The following ERC2 variants were observed in gnomAD, a reference collection of about 807,000 sequenced individuals.
ERC2 encodes the protein ELKS/RAB6-interacting/CAST family member 2, also known as ERC protein 2.
A neutral mutation model predicts 114.8 loss-of-function variants in ERC2; 42 were observed. That is an observed-to-expected ratio of 0.37 (90% CI 0.29 to 0.47). The LOEUF is 0.47. Among genes scored for constraint, ERC2 ranks in the 20% least tolerant of loss-of-function variants. The probability of loss-of-function intolerance (pLI) is 0.99; values close to 1 mark genes in which losing one functional copy is unlikely to be tolerated. For missense variants in ERC2, 939 were observed against 1,150.7 expected (o/e 0.82, Z 2.66); for synonymous variants, 454 against 425.5 (o/e 1.07, Z -0.82).
intron 17 of ERC2, among the ~76,000 whole-genome samples, chr3:55,551,918 GA>G (rs2055235994): frequency 6.6e-6 from 1 of 152,186 alleles, no homozygotes; most frequent in African/African-American, 2.4e-5. Context: ...CATTATCAAT[GA>G]AATTGCTACA....
intron 17 of ERC2, among the ~76,000 whole-genome samples, chr3:55,525,759 G>A (rs1559598367): frequency 6.6e-6 from 1 of 152,162 alleles, no homozygotes; most frequent in African/African-American, 2.4e-5. Flanking sequence ...TCAGGCAGTG[G>A]GACACCATGG....
At chr3:56,324,410 T>TA (rs2057264342) in intron 2 of ERC2, among the ~76,000 whole-genome samples, 1 of 152,120 alleles carries the variant, frequency 6.6e-6, no homozygotes, top group East Asian at 1.9e-4. Context: ...AAATATTAAG[T>TA]AAAAAATGCA....
At chr3:55,572,425 T>C (rs888760702) in intron 17 of ERC2, among the ~76,000 whole-genome samples, 2 of 152,196 alleles carry the variant, frequency 1.3e-5, no homozygotes, top group Non-Finnish European at 2.9e-5. Context: ...CGAGCACCCA[T>C]GTAGGCAACA....
intron 12 of ERC2, among the ~76,000 whole-genome samples, chr3:55,963,421 G>T (rs943267908): frequency 6.6e-6 from 1 of 152,250 alleles, no homozygotes; most frequent in East Asian, 1.9e-4. Context: ...TCAACACAAC[G>T]TTCCCTTTTT....
At chr3:56,138,047 ATTTC>A (rs1201027367) in intron 6 of ERC2, among the ~76,000 whole-genome samples, 13 of 114,388 alleles carry the variant, frequency 1.1e-4, no homozygotes, top group South Asian at 5.6e-4. Flanking sequence ...TGAAAATGGT[ATTTC>A]TTTTTTTTTT....
intron 3 of ERC2, 52 bp downstream of exon 3, chr3:56,295,967 A>G: frequency 1.3e-6 from 2 of 1,493,538 alleles, no homozygotes; most frequent in East Asian, 2.3e-5. Context: ...ACTTGATAAC[A>G]TATTTTCACT....
chr3:56,407,091 T>G (rs11130520), intron 2 of ERC2, among the ~76,000 whole-genome samples: 61,220 of 151,896 alleles, frequency 0.4, 12,859 homozygotes, highest in Admixed American at 0.52. Context: ...ATAAAACAAC[T>G]CGTCTCAAGA....
At chr3:56,323,346 C>T (rs1397607810) in intron 2 of ERC2, among the ~76,000 whole-genome samples, 5 of 152,150 alleles carry the variant, frequency 3.3e-5, no homozygotes, top group Non-Finnish European at 5.9e-5. Context: ...TCTTGGAACA[C>T]AGTATCATGA....
chr3:56,103,758 T>TCTAA (rs2078490762), intron 6 of ERC2, among the ~76,000 whole-genome samples: 1 of 151,900 alleles, frequency 6.6e-6, no homozygotes, highest in Admixed American at 6.6e-5. Flanking sequence ...TATCTATCTA[T>TCTAA]CTATCTATCT....
chr3:55,843,821 C>T (rs1453886213), intron 14 of ERC2, among the ~76,000 whole-genome samples: 1 of 152,174 alleles, frequency 6.6e-6, no homozygotes. Context: ...ATCATATTAG[C>T]TCTCTCCTCC....
chr3:55,708,174 A>C (rs1437141574), intron 15 of ERC2, among the ~76,000 whole-genome samples: 4 of 152,190 alleles, frequency 2.6e-5, no homozygotes, highest in Non-Finnish European at 5.9e-5. Flanking sequence ...ATGGAGCCCC[A>C]AAGAAGTCCA....
At chr3:56,319,304 A>G (rs1213517487) in intron 2 of ERC2, among the ~76,000 whole-genome samples, 1 of 152,026 alleles carries the variant, frequency 6.6e-6, no homozygotes, top group Non-Finnish European at 1.5e-5. Context: ...AATATTATTC[A>G]GCCTTAAAAA....
intron 14 of ERC2, among the ~76,000 whole-genome samples, chr3:55,817,501 G>T (rs1024559204): frequency 4.6e-5 from 7 of 152,184 alleles, no homozygotes; most frequent in African/African-American, 1.7e-4. Flanking sequence ...ATTCTAGAAA[G>T]CATTTCAGGT....
At chr3:55,929,518 G>A (rs2065946215) in intron 13 of ERC2, among the ~76,000 whole-genome samples, 1 of 152,156 alleles carries the variant, frequency 6.6e-6, no homozygotes, top group Admixed American at 6.5e-5. Context: ...GGAAAAATTT[G>A]AAGCTTGCTT....
Position 55,508,519 on chromosome 3 carries a change from A to T in ERC2, c.*2797T>A, listed in dbSNP as rs955371540. On this transcript the variant is annotated 3_prime_UTR_variant, in exon 18 of 18. Coordinates refer to ENST00000288221, the MANE Select transcript of ERC2 (RefSeq NM_015576.3). ...TTATTTATTTTTCATATCGATGTCCATAATCACATGGTCAATATCACAACC... is the reference window on the plus strand; with the variant it reads ...TTATTTATTTTTCATATCGATGTCCTTAATCACATGGTCAATATCACAACC... The T allele has an allele frequency of 2.0e-5, 3 of 152,544 alleles. No homozygotes were observed. Among genetic ancestry groups the T allele is most frequent in the African/African-American group, 7.2e-5 (3 of 41,422 alleles). The allele number at this position is 152,544 out of a possible 1,614,324, so 9.4% of individuals were successfully genotyped here. A position where few individuals can be genotyped will look rare whatever the true frequency, so the allele number is the denominator to read the frequency against.
chr3:56,034,806 A>G (rs919261065), intron 7 of ERC2, among the ~76,000 whole-genome samples: 1 of 152,136 alleles, frequency 6.6e-6, no homozygotes, highest in African/African-American at 2.4e-5. Context: ...ACAAAAATGT[A>G]GGGGACATGG....
intron 2 of ERC2, among the ~76,000 whole-genome samples, chr3:56,381,635 C>T (rs528386687): frequency 1.4e-5 from 2 of 143,878 alleles, no homozygotes; most frequent in South Asian, 2.2e-4. Flanking sequence ...AGGAGAAAGA[C>T]CAAAAGGAGG....
intron 2 of ERC2, among the ~76,000 whole-genome samples, chr3:56,424,933 T>G (rs908683672): frequency 6.6e-6 from 1 of 152,200 alleles, no homozygotes; most frequent in Non-Finnish European, 1.5e-5. Flanking sequence ...AACTCGGAAT[T>G]AAAATGAAAC....
chr3:55,623,534 G>T (rs1255735443), intron 17 of ERC2, among the ~76,000 whole-genome samples: 1 of 152,150 alleles, frequency 6.6e-6, no homozygotes, highest in Non-Finnish European at 1.5e-5. Flanking sequence ...TTTTCCACCA[G>T]TTTTAATCAG....
Sources: gnomAD v4.1 joint callset for allele counts (sites outside exome capture counted in the v4.1 genomes callset) on GRCh38, gnomAD v4.1.1 for gene constraint, MANE v1.5 for transcripts, NCBI Gene and HGNC (gene_info 2026-07-23, HGNC 2026-07-21) for gene names.